Variants in DDAH1 observed in about 807,000 individuals in gnomAD.
DDAH1 encodes the protein N(G),N(G)-dimethylarginine dimethylaminohydrolase 1.
A neutral mutation model predicts 28.8 loss-of-function variants in DDAH1; 19 were observed. That is an observed-to-expected ratio of 0.66 (90% CI 0.46 to 0.97). DDAH1 has a LOEUF of 0.97. DDAH1 is among the 50% of genes least tolerant of loss of function. The pLI, the probability that DDAH1 is intolerant of heterozygous loss-of-function variation, is 0.00. For missense variants in DDAH1, 326 were observed against 375.9 expected (o/e 0.87, Z 1.10); for synonymous variants, 153 against 154.4 (o/e 0.99, Z 0.07).
Position 85,321,436 on chromosome 1 carries a change from G to C in DDAH1, c.*16C>G. On this transcript the variant is annotated 3_prime_UTR_variant, in exon 6 of 6. Transcript: ENST00000284031. The stretch of plus-strand genomic sequence containing the variant: ...GCCTGTGCGGTCTTGCCGGCTACCG[G>C]GGGGGACTCTGCAGCTCAGGAGTCT... 1.9e-6 allele frequency: 3 copies of C among 1,576,796 alleles called. No individual in the cohort carries two copies. Among genetic ancestry groups the C allele is most frequent in the Non-Finnish European group, 2.6e-6 (3 of 1,146,172 alleles).
chr1:85,344,848 T>C (rs1433589081), intron 4 of DDAH1, among the ~76,000 whole-genome samples: 1 of 152,130 alleles, frequency 6.6e-6, no homozygotes, highest in African/African-American at 2.4e-5. Flanking sequence ...CTTTCTTATG[T>C]CTTTTTCCCC....
intron 1 of DDAH1, among the ~76,000 whole-genome samples, chr1:85,547,470 T>C (rs1026929798): frequency 2.0e-5 from 3 of 152,204 alleles, no homozygotes; most frequent in Non-Finnish European, 4.4e-5. Context: ...GTTTTTGCAC[T>C]AAACATGCTT....
intron 2 of DDAH1, among the ~76,000 whole-genome samples, chr1:85,470,216 G>A (rs1655571465): frequency 6.6e-6 from 1 of 152,164 alleles, no homozygotes; most frequent in African/African-American, 2.4e-5. Context: ...AGATTTTATG[G>A]ACTCACAGTT....
At chr1:85,350,664 G>T in intron 3 of DDAH1, 130 bp from the exon 4 acceptor site, 1 of 1,125,150 alleles carries the variant, frequency 8.9e-7, no homozygotes, top group Non-Finnish European at 1.2e-6. Context: ...AGAAAAACTG[G>T]GACCCACAGA....
intron 1 of DDAH1, among the ~76,000 whole-genome samples, chr1:85,436,602 C>T (rs1308978709): frequency 6.6e-6 from 1 of 152,218 alleles, no homozygotes; most frequent in Non-Finnish European, 1.5e-5. Flanking sequence ...GCTGCAGAAG[C>T]TCTGCTGGCT....
intron 1 of DDAH1, chr1:85,380,285 C>T (rs1243903909): frequency 1.3e-5 from 2 of 152,156 alleles, no homozygotes; most frequent in African/African-American, 4.8e-5. Context: ...CGGGTAAACA[C>T]AGTCAAGTCC....
intron 1 of DDAH1, among the ~76,000 whole-genome samples, chr1:85,443,884 AAGTTGCCT>A (rs1217893311): frequency 2.6e-5 from 4 of 152,210 alleles, no homozygotes; most frequent in African/African-American, 9.6e-5. Context: ...GACTTTGCTG[AAGTTGCCT>A]ATCAGCTTAA....
intron 4 of DDAH1, among the ~76,000 whole-genome samples, chr1:85,345,499 A>G (rs12124170): frequency 0.29 from 43,979 of 152,040 alleles, 7,270 homozygotes; most frequent in South Asian, 0.4. Flanking sequence ...AACCAACCTA[A>G]CTTCTAGTAC....
At chr1:85,467,707 T>C (rs1655434402), upstream of DDAH1, 1 of 152,226 alleles carries the variant, frequency 6.6e-6, no homozygotes, top group Admixed American at 6.5e-5. Context: ...TGAAGGACTG[T>C]TTTTAGGAAA....
chr1:85,340,203 C>A (rs1292490311), intron 4 of DDAH1, among the ~76,000 whole-genome samples: 1 of 152,188 alleles, frequency 6.6e-6, no homozygotes, highest in Non-Finnish European at 1.5e-5. Context: ...TAGTGTCTTG[C>A]AAGCTTAGGC....
intron 1 of DDAH1, among the ~76,000 whole-genome samples, chr1:85,554,778 T>A (rs1658912705): frequency 6.6e-6 from 1 of 152,236 alleles, no homozygotes; most frequent in Non-Finnish European, 1.5e-5. Flanking sequence ...ACAAGGGCTG[T>A]GATTAGTGCA....
At chr1:85,484,762 C>A (rs919103931) in intron 2 of DDAH1, among the ~76,000 whole-genome samples, 1 of 152,218 alleles carries the variant, frequency 6.6e-6, no homozygotes, top group Non-Finnish European at 1.5e-5. Context: ...ATCACCATCT[C>A]GCTCAGTAAC....
chr1:85,388,039 A>G (rs1399428455), intron 1 of DDAH1, among the ~76,000 whole-genome samples: 1 of 152,184 alleles, frequency 6.6e-6, no homozygotes, highest in Non-Finnish European at 1.5e-5. Flanking sequence ...CATTACTCTG[A>G]GGATGGCACC....
intron 1 of DDAH1, among the ~76,000 whole-genome samples, chr1:85,518,788 A>T (rs1298885849): frequency 6.6e-6 from 1 of 152,144 alleles, no homozygotes; most frequent in African/African-American, 2.4e-5. Context: ...ATCTTGGGGG[A>T]CCATTATTCT....
intron 4 of DDAH1, among the ~76,000 whole-genome samples, chr1:85,349,046 G>A (rs1306817848): frequency 1.3e-5 from 2 of 152,144 alleles, no homozygotes; most frequent in Non-Finnish European, 2.9e-5. Context: ...CAGTCCCTAA[G>A]GAGAAAAATA....
At chr1:85,492,385 A>G (rs1372122034) in intron 2 of DDAH1, among the ~76,000 whole-genome samples, 1 of 152,230 alleles carries the variant, frequency 6.6e-6, no homozygotes, top group East Asian at 1.9e-4. Context: ...CATTAGAAAC[A>G]GTAATAGAAA....
chr1:85,470,573 C>T (rs866485675), intron 2 of DDAH1, among the ~76,000 whole-genome samples: 4 of 152,340 alleles, frequency 2.6e-5, no homozygotes, highest in Middle Eastern at 3.4e-3. Flanking sequence ...CTAGAAATAT[C>T]GGATAAAGTA....
chr1:85,366,723 G>C (rs1650095302), intron 1 of DDAH1, among the ~76,000 whole-genome samples: 1 of 152,136 alleles, frequency 6.6e-6, no homozygotes, highest in Non-Finnish European at 1.5e-5. Flanking sequence ...ATGCAGACAA[G>C]ATAGGGCAAA....
rs780415872 is a variant in DDAH1 at position 85,464,810 on chromosome 1, T to G, written c.236A>C (p.Asp79Ala). 4.4e-6 allele frequency: 7 copies of G among 1,585,986 alleles called. No individual in the cohort carries two copies. Among genetic ancestry groups the G allele is most frequent in the Non-Finnish European group, 5.1e-6 (6 of 1,173,456 alleles). The change falls in exon 1 of 6, where the codon GAC becomes GCC. Residue 79 changes from aspartate (D) to alanine (A), a missense_variant. Physicochemically the swap from Asp to Ala is moderately radical, Grantham distance 126 (BLOSUM62 -2). Transcript: ENST00000284031. This position sits in a 1 kb window ranked among gnomAD's most constrained non-coding sequence, Gnocchi z 4.4. ...ESLPDCVFVE[D>A]VAVVCEETAL... ...CGTCTCCTCGCACACCACGGCCACG[T>G]CCTCCACGAAGACGCAGTCCGGAAG...
Sources: gnomAD v4.1 joint callset for allele counts (sites outside exome capture counted in the v4.1 genomes callset) on GRCh38, gnomAD v4.1.1 for gene constraint, Gnocchi (gnomAD v3.1) non-coding constraint, MANE v1.5 for transcripts, NCBI Gene and HGNC (gene_info 2026-07-23, HGNC 2026-07-21) for gene names.